The following PDE4B variants were observed in gnomAD, a reference collection of about 807,000 sequenced individuals.
PDE4B encodes the protein 3',5'-cyclic-AMP phosphodiesterase 4B.
PDE4B carries 20 observed loss-of-function variants against 82.2 expected under a neutral mutation model. The observed-to-expected ratio is 0.24, with a 90% CI of 0.17 to 0.35. PDE4B has a LOEUF of 0.35. Among genes scored for constraint, PDE4B ranks in the 10% least tolerant of loss-of-function variants. The pLI is 1.00. For synonymous variants in PDE4B, 320 were observed against 318.9 expected (o/e 1.00, Z -0.04); for missense variants, 655 against 907.2 (o/e 0.72, Z 3.57).
At chr1:66,104,721 G>A (rs9726829) in intron 3 of PDE4B, among the ~76,000 whole-genome samples, 37,632 of 146,706 alleles carry the variant, frequency 0.26, 5,404 homozygotes, top group Non-Finnish European at 0.35. Flanking sequence ...GTGTTTTTTG[G>A]CTGCATAAAT....
chr1:65,845,945 C>T (rs569504271), intron 1 of PDE4B, among the ~76,000 whole-genome samples: 1 of 152,176 alleles, frequency 6.6e-6, no homozygotes, highest in African/African-American at 2.4e-5. Context: ...TTCTTCAAAG[C>T]CACACTGTAT....
At chr1:65,921,744 G>T (rs760605167) in intron 3 of PDE4B, among the ~76,000 whole-genome samples, 1 of 152,162 alleles carries the variant, frequency 6.6e-6, no homozygotes, top group Admixed American at 6.5e-5. Flanking sequence ...AGAGTTTGCC[G>T]ACTTTGAAAA....
chr1:65,983,675 C>T (rs375323106), intron 3 of PDE4B, among the ~76,000 whole-genome samples: 1 of 152,260 alleles, frequency 6.6e-6, no homozygotes, highest in African/African-American at 2.4e-5. Flanking sequence ...ATATTCTTCC[C>T]TCACAACCCT....
Position 66,257,829 on chromosome 1 carries a change from A to G in PDE4B, c.550A>G (p.Thr184Ala), listed in dbSNP as rs1654362807. ...CTTGCGAAGTGTGAGAAACAACTTCACTATACTGACAAACCTTCATGGTAC... is the reference window on the plus strand; with the variant it reads ...CTTGCGAAGTGTGAGAAACAACTTCGCTATACTGACAAACCTTCATGGTAC... ...ASLRSVRNNF[T>A]ILTNLHGTSN... The change falls in exon 6 of 17, where the codon ACT becomes GCT. Residue 184 changes from threonine (T) to alanine (A), a missense_variant. Coordinates refer to ENST00000341517, the MANE Select transcript of PDE4B (RefSeq NM_002600.4). The G allele has an allele frequency of 1.9e-6, 3 of 1,613,346 alleles. No individual in the cohort carries two copies. The highest frequency in any genetic ancestry group is 1.7e-6 in the Non-Finnish European group (2 of 1,179,366).
intron 7 of PDE4B, among the ~76,000 whole-genome samples, chr1:66,319,983 A>G (rs979759031): frequency 6.6e-6 from 1 of 152,072 alleles, no homozygotes; most frequent in African/African-American, 2.4e-5. Flanking sequence ...ATCCTACTCA[A>G]CCCACTTACT....
At chr1:66,364,285 A>C (rs1326675441) in intron 12 of PDE4B, among the ~76,000 whole-genome samples, 3 of 152,192 alleles carry the variant, frequency 2.0e-5, no homozygotes. Context: ...CAATGTGTTG[A>C]AGAAGTAGTA....
chr1:65,900,838 A>G (rs1431462036), intron 1 of PDE4B, among the ~76,000 whole-genome samples: 1 of 152,130 alleles, frequency 6.6e-6, no homozygotes, highest in Non-Finnish European at 1.5e-5. Flanking sequence ...GTCATTTATG[A>G]GTTCTAGGAA....
intron 3 of PDE4B, among the ~76,000 whole-genome samples, chr1:65,999,402 C>T (rs1252054833): frequency 6.6e-6 from 1 of 152,172 alleles, no homozygotes; most frequent in Non-Finnish European, 1.5e-5. Context: ...GTTCTCCAGC[C>T]CTGTGAGCCT....
intron 7 of PDE4B, among the ~76,000 whole-genome samples, chr1:66,329,844 T>C (rs922045626): frequency 5.3e-5 from 8 of 152,240 alleles, no homozygotes; most frequent in African/African-American, 1.7e-4. Flanking sequence ...TGGTGCTTTT[T>C]TTCACAGTGC....
At chr1:65,829,842 G>A (rs541566044) in intron 1 of PDE4B, among the ~76,000 whole-genome samples, 12 of 152,246 alleles carry the variant, frequency 7.9e-5, no homozygotes, top group South Asian at 2.1e-4. Flanking sequence ...ATGTTGGTAC[G>A]ATCTCATGTT....
intron 1 of PDE4B, among the ~76,000 whole-genome samples, chr1:65,908,501 A>G (rs1231858414): frequency 6.6e-6 from 1 of 152,146 alleles, no homozygotes; most frequent in Non-Finnish European, 1.5e-5. Context: ...AGGAACAGAG[A>G]AGAAATAGCA....
intron 3 of PDE4B, among the ~76,000 whole-genome samples, chr1:66,101,027 A>G (rs1237147302): frequency 1.3e-5 from 2 of 151,816 alleles, no homozygotes; most frequent in African/African-American, 2.4e-5. Flanking sequence ...TTCCCCTTCC[A>G]GTGTCCAAGT....
intron 3 of PDE4B, among the ~76,000 whole-genome samples, chr1:66,058,939 A>AT (rs1160008864): frequency 6.6e-6 from 1 of 152,108 alleles, no homozygotes; most frequent in African/African-American, 2.4e-5. Flanking sequence ...AGAATATGGG[A>AT]TTTTCTTTTC....
In PDE4B at chr1:65,913,337, T is replaced by TG; in HGVS notation, c.24dup (p.Thr9AspfsTer5). On this transcript the variant is annotated frameshift_variant, in exon 2 of 17. Transcript: ENST00000341517. LOFTEE classifies it high-confidence loss of function. ...ATAATGAAGAAAAGCAGGAGTGTGATGACGGTGATGGCTGATGATGTAAGT... is the reference window on the plus strand; with the variant it reads ...ATAATGAAGAAAAGCAGGAGTGTGATGGACGGTGATGGCTGATGATGTAAGT... 1 of 1,613,774 alleles carries TG rather than the reference T, an allele frequency of 6.2e-7. No individual in the cohort carries two copies. Among genetic ancestry groups the TG allele is most frequent in the Non-Finnish European group, 8.5e-7 (1 of 1,179,688 alleles).
chr1:66,026,837 C>T (rs945488951), intron 3 of PDE4B, among the ~76,000 whole-genome samples: 6 of 152,220 alleles, frequency 3.9e-5, no homozygotes, highest in Non-Finnish European at 7.3e-5. Flanking sequence ...TTCACCTCAA[C>T]AAACCAACCA....
At chr1:65,982,409 A>C (rs1650735967) in intron 3 of PDE4B, among the ~76,000 whole-genome samples, 1 of 152,202 alleles carries the variant, frequency 6.6e-6, no homozygotes, top group South Asian at 2.1e-4. Flanking sequence ...GCAAAACGTA[A>C]CCAGAGTGTG....
At chr1:66,083,055 G>A (rs964105393) in intron 3 of PDE4B, among the ~76,000 whole-genome samples, 1 of 152,048 alleles carries the variant, frequency 6.6e-6, no homozygotes, top group African/African-American at 2.4e-5. Flanking sequence ...GCAGTCTTCT[G>A]CCGCCTCCCT....
chr1:66,323,357 G>T (rs1659538087), intron 7 of PDE4B, among the ~76,000 whole-genome samples: 1 of 152,074 alleles, frequency 6.6e-6, no homozygotes, highest in African/African-American at 2.4e-5. Context: ...TTCAGATTTT[G>T]GGTCCCTGGT....
At chr1:66,022,019 G>A (rs1653152628) in intron 3 of PDE4B, among the ~76,000 whole-genome samples, 1 of 152,104 alleles carries the variant, frequency 6.6e-6, no homozygotes, top group Non-Finnish European at 1.5e-5. Context: ...CCTTGAAGAG[G>A]TCCTTCACAT....
Sources: allele counts gnomAD v4.1 joint callset (sites outside exome capture counted in the v4.1 genomes callset), GRCh38; gene constraint gnomAD v4.1.1; transcripts MANE v1.5; gene names NCBI Gene and HGNC (gene_info 2026-07-23, HGNC 2026-07-21).